Variants in NHERF2 observed in about 807,000 individuals in gnomAD.
The protein encoded by NHERF2 is Na(+)/H(+) exchange regulatory cofactor NHE-RF2.
chr16:2,029,723 T>G, the NHERF2 span: 5 of 906,350 alleles, frequency 5.5e-6, no homozygotes, highest in African/African-American at 1.7e-5. Context: ...CCACGACCCC[T>G]GGGAGCCGAA....
At chr16:2,028,260 G>A in the NHERF2 span, among the ~76,000 whole-genome samples, 27 of 152,214 alleles carry the variant, frequency 1.8e-4, no homozygotes, top group African/African-American at 5.1e-4. Context: ...TCACTCTGTC[G>A]GCCGGCCCCA....
At chr16:2,038,733 G>C in the NHERF2 span, 1 of 180,742 alleles carries the variant, frequency 5.5e-6, no homozygotes, top group Non-Finnish European at 1.2e-5. Context: ...TCTCCGAGGG[G>C]CCTGAGGATG....
the NHERF2 span, chr16:2,036,705 C>T: frequency 6.2e-7 from 1 of 1,607,970 alleles, no homozygotes; most frequent in Admixed American, 1.7e-5. Context: ...CATGGCGGGG[C>T]TGATACATGC....
chr16:2,031,502 A>G, the NHERF2 span, among the ~76,000 whole-genome samples: 69,637 of 152,088 alleles, frequency 0.46, 19,150 homozygotes, highest in African/African-American at 0.78. Flanking sequence ...TGGAGGGTGC[A>G]GTGGCCCAGG....
chr16:2,027,120 G>A, the NHERF2 span: 3 of 1,467,688 alleles, frequency 2.0e-6, no homozygotes, highest in East Asian at 3.0e-5. Context: ...CATCCGGCGC[G>A]TGGAACCCGG....
chr16:2,037,716 G>A, the NHERF2 span: 1 of 1,551,224 alleles, frequency 6.4e-7, no homozygotes, highest in Non-Finnish European at 8.7e-7. Context: ...GTCCTCGTGA[G>A]CCCCAGCCCC....
At chr16:2,034,902 C>T in the NHERF2 span, among the ~76,000 whole-genome samples, 4 of 152,318 alleles carry the variant, frequency 2.6e-5, no homozygotes, top group East Asian at 7.7e-4. Flanking sequence ...TCAGGGTCAG[C>T]CTTGAAGCCC....
At chr16:2,038,243 C>G in the NHERF2 span, 26 of 569,158 alleles carry the variant, frequency 4.6e-5, no homozygotes, top group South Asian at 1.0e-4. Flanking sequence ...GAGAGAGACA[C>G]AGAGAGAGAC....
chr16:2,030,612 T>G, the NHERF2 span, among the ~76,000 whole-genome samples: 2 of 146,880 alleles, frequency 1.4e-5, no homozygotes, highest in South Asian at 4.3e-4. Flanking sequence ...CCATGTTCTC[T>G]CCTACCTTTT....
At chr16:2,029,206 G>A in the NHERF2 span, among the ~76,000 whole-genome samples, 7 of 152,348 alleles carry the variant, frequency 4.6e-5, no homozygotes, top group East Asian at 7.7e-4. Flanking sequence ...TGCGCGCACA[G>A]GGACAGGCAG....
At chr16:2,030,440 C>T in the NHERF2 span, among the ~76,000 whole-genome samples, 1 of 152,144 alleles carries the variant, frequency 6.6e-6, no homozygotes, top group Non-Finnish European at 1.5e-5. Context: ...CCTTCCCCTG[C>T]CCTTGCTCCC....
the NHERF2 span, among the ~76,000 whole-genome samples, chr16:2,033,972 A>G: frequency 6.6e-6 from 1 of 152,294 alleles, no homozygotes; most frequent in African/African-American, 2.4e-5. Context: ...TGCCTTGTAG[A>G]GTGAAAGACG....
the NHERF2 span, chr16:2,033,147 G>A: frequency 7.1e-7 from 1 of 1,415,408 alleles, no homozygotes. Context: ...GCTGGGTGGG[G>A]GGCGCCAGGC....
At chr16:2,030,430 C>T in the NHERF2 span, among the ~76,000 whole-genome samples, 1 of 152,264 alleles carries the variant, frequency 6.6e-6, no homozygotes, top group East Asian at 1.9e-4. Context: ...AGTACTTCCT[C>T]CTTCCCCTGC....
At chr16:2,032,816 G>C in the NHERF2 span, 2 of 995,444 alleles carry the variant, frequency 2.0e-6, no homozygotes, top group African/African-American at 3.5e-5. This position sits in a 1 kb window ranked among gnomAD's most constrained non-coding sequence, Gnocchi z 4.0. Context: ...GGTGGCCAGC[G>C]GTGCCAGGCC....
the NHERF2 span, chr16:2,035,621 T>G: frequency 1.0e-6 from 1 of 986,394 alleles, no homozygotes; most frequent in Non-Finnish European, 1.2e-6. Flanking sequence ...ACCCCCTGGC[T>G]GGGAGGTGGT....
At chr16:2,035,766 C>A in the NHERF2 span, 1 of 807,688 alleles carries the variant, frequency 1.2e-6, no homozygotes, top group Non-Finnish European at 1.5e-6. Flanking sequence ...GTGCCCTGTC[C>A]ACACTAAGCT....
the NHERF2 span, chr16:2,036,257 A>G: frequency 6.8e-7 from 1 of 1,480,300 alleles, no homozygotes; most frequent in Admixed American, 2.0e-5. Flanking sequence ...TGGCGGCACC[A>G]CCGGGGAGTG....
At chr16:2,038,006 G>A in the NHERF2 span, 4 of 1,612,710 alleles carry the variant, frequency 2.5e-6, no homozygotes, top group Non-Finnish European at 3.4e-6. Context: ...CCTGTCTCGG[G>A]ACCCTGGGAC....
Sources: gnomAD v4.1 joint callset for allele counts (sites outside exome capture counted in the v4.1 genomes callset) on GRCh38, gnomAD v4.1.1 for gene constraint, Gnocchi (gnomAD v3.1) non-coding constraint, MANE v1.5 for transcripts, NCBI Gene and HGNC (gene_info 2026-07-23, HGNC 2026-07-21) for gene names.